Variants in RAB1A observed in about 807,000 individuals in gnomAD.
RAB1A encodes the protein RAB1A, member RAS oncogene family, also known as ras-related protein Rab-1A.
In RAB1A, 2 loss-of-function variants were observed where a neutral mutation model predicts 26.0. The ratio of observed to expected loss-of-function variants is 0.08; its 90% CI spans 0.03 to 0.24. The LOEUF (loss-of-function observed/expected upper bound fraction) is 0.24, where lower values mean the gene tolerates loss of function less well. RAB1A is among the 10% of genes least tolerant of loss of function. RAB1A has a pLI of 1.00. For missense variants in RAB1A, 100 were observed against 247.0 expected (o/e 0.40, Z 3.99); for synonymous variants, 84 against 84.9 (o/e 0.99, Z 0.06).
intron 1 of RAB1A, among the ~76,000 whole-genome samples, chr2:65,112,882 T>C (rs2103863696): frequency 6.6e-6 from 1 of 152,076 alleles, no homozygotes; most frequent in South Asian, 2.1e-4. Context: ...TAAGGACGAG[T>C]TTTATTCTAC....
Position 65,088,675 on chromosome 2 carries a change from G to A in RAB1A, c.436C>T (p.Leu146Phe). The A allele has an allele frequency of 6.2e-7, 1 of 1,606,664 alleles. No homozygotes were observed. Among genetic ancestry groups the A allele is most frequent in the Non-Finnish European group, 8.5e-7 (1 of 1,176,284 alleles). Residue 146 changes from leucine to phenylalanine, a missense_variant, in exon 6 of 6, where the codon CTT (leucine) becomes TTT (phenylalanine). Around this residue, in one of 2 missense-constraint regions of RAB1A, gnomAD observed 67 missense variants for 122.9 expected, o/e 0.55. Transcript: ENST00000409784. ...YTTAKEFADSLGIPFLETSAK... is the reference protein window; with the variant it reads ...YTTAKEFADSFGIPFLETSAK... ...CTGGTTTCCAAAAACGGAATTCCAA[G>A]GGAATCAGCAAATTCCTAAGAGAAT...
chr2:65,100,156 C>G (rs1669386025), intron 2 of RAB1A, among the ~76,000 whole-genome samples: 1 of 152,068 alleles, frequency 6.6e-6, no homozygotes. Flanking sequence ...AATACCAGCA[C>G]TTTGGGAGGC....
At chr2:65,126,231 TTGAACCCAG>T (rs1286738702) in intron 1 of RAB1A, among the ~76,000 whole-genome samples, 1 of 151,704 alleles carries the variant, frequency 6.6e-6, no homozygotes, top group Non-Finnish European at 1.5e-5. Context: ...GGAAAATCGC[TTGAACCCAG>T]GAGGCAGAGA....
intron 1 of RAB1A, among the ~76,000 whole-genome samples, chr2:65,109,571 A>C (rs1233215284): frequency 6.6e-6 from 1 of 151,968 alleles, no homozygotes; most frequent in Admixed American, 6.6e-5. Context: ...TTAGCTCAGC[A>C]TGGTGGCAGA....
In RAB1A at chr2:65,117,866, C is replaced by T. The variant is rs368449948; in HGVS notation, c.23+12027G>A. Among the ~76,000 whole-genome samples the T allele has an allele frequency of 3.3e-5, 5 of 152,222 alleles. No individual in the cohort carries two copies. The East Asian group carries it at 7.7e-4, about 23-fold the overall frequency. On this transcript the variant is annotated intron_variant, in intron 1 of 5. Transcript: ENST00000409784. Reference sequence around the variant, plus strand: ...GATTACAGGAGTGAGCCACCACAACCAGCCTAAAATGTTAAATTCTTAGAA... The same window carrying T: ...GATTACAGGAGTGAGCCACCACAACTAGCCTAAAATGTTAAATTCTTAGAA...
chr2:65,124,999 C>G (rs1336568287), intron 1 of RAB1A, among the ~76,000 whole-genome samples: 1 of 149,902 alleles, frequency 6.7e-6, no homozygotes, highest in Non-Finnish European at 1.5e-5. Flanking sequence ...AACCTGCTTT[C>G]ACTTTCAAAC....
chr2:65,110,150 T>C (rs1464732977), intron 1 of RAB1A, among the ~76,000 whole-genome samples: 2 of 152,150 alleles, frequency 1.3e-5, no homozygotes. Context: ...GTTAAAAGGA[T>C]ACAGGAGCCG....
chr2:65,093,614 T>C (rs1039164303), intron 3 of RAB1A, among the ~76,000 whole-genome samples: 4 of 150,944 alleles, frequency 2.6e-5, no homozygotes, highest in Middle Eastern at 3.4e-3. Flanking sequence ...AAGTAAAATC[T>C]TGTGTTTAGA....
At chr2:65,094,383 G>T (rs552984513) in intron 3 of RAB1A, among the ~76,000 whole-genome samples, 2 of 152,176 alleles carry the variant, frequency 1.3e-5, no homozygotes, top group South Asian at 4.1e-4. Flanking sequence ...TCGGGAGTTC[G>T]AGACCAGCGT....
At chr2:65,097,168 T>A (rs1669308117) in intron 3 of RAB1A, among the ~76,000 whole-genome samples, 1 of 152,234 alleles carries the variant, frequency 6.6e-6, no homozygotes, top group African/African-American at 2.4e-5. Context: ...TTCCTGTGTT[T>A]ATAGCCTACT....
intron 3 of RAB1A, among the ~76,000 whole-genome samples, chr2:65,095,548 T>G: frequency 2.3e-5 from 3 of 133,182 alleles, no homozygotes; most frequent in African/African-American, 5.8e-5. Context: ...AGAGATAGAG[T>G]CTCTATGTTG....
At chr2:65,117,932 A>T (rs1330935695) in intron 1 of RAB1A, among the ~76,000 whole-genome samples, 1 of 152,248 alleles carries the variant, frequency 6.6e-6, no homozygotes, top group Admixed American at 6.5e-5. Context: ...TATTTGTTGT[A>T]GTGGGACATC....
At chr2:65,105,757 T>C (rs1017569517) in intron 1 of RAB1A, among the ~76,000 whole-genome samples, 6 of 151,128 alleles carry the variant, frequency 4.0e-5, no homozygotes, top group Non-Finnish European at 7.4e-5. Flanking sequence ...TTCAGAACCA[T>C]TGAAAACCAA....
chr2:65,105,824 G>A (rs1196325712), intron 1 of RAB1A, among the ~76,000 whole-genome samples: 9 of 151,620 alleles, frequency 5.9e-5, no homozygotes, highest in East Asian at 1.9e-4. Flanking sequence ...GTGCAGTGGC[G>A]CGATCTCGGC....
intron 1 of RAB1A, among the ~76,000 whole-genome samples, chr2:65,116,413 C>G (rs1427153641): frequency 6.6e-6 from 1 of 152,084 alleles, no homozygotes; most frequent in East Asian, 1.9e-4. Flanking sequence ...TACTGCATAC[C>G]AGCCATAGGA....
chr2:65,117,250 T>C (rs1360183657), intron 1 of RAB1A, among the ~76,000 whole-genome samples: 1 of 151,982 alleles, frequency 6.6e-6, no homozygotes, highest in East Asian at 1.9e-4. Flanking sequence ...TTTAGTTTTT[T>C]AGAGACAGGG....
chr2:65,114,781 C>A (rs1669785648), intron 1 of RAB1A, among the ~76,000 whole-genome samples: 1 of 151,492 alleles, frequency 6.6e-6, no homozygotes, highest in Non-Finnish European at 1.5e-5. Flanking sequence ...GGAGGCGGAG[C>A]TTGCAGTGAG....
At chr2:65,111,513 T>C (rs184318417) in intron 1 of RAB1A, among the ~76,000 whole-genome samples, 1 of 152,276 alleles carries the variant, frequency 6.6e-6, no homozygotes, top group Non-Finnish European at 1.5e-5. Flanking sequence ...GTGGCTAACA[T>C]GGCCTACAAC....
intron 1 of RAB1A, among the ~76,000 whole-genome samples, chr2:65,128,377 T>G (rs1326791206): frequency 2.0e-5 from 3 of 152,200 alleles, no homozygotes; most frequent in African/African-American, 4.8e-5. Flanking sequence ...TGTTCTTTAT[T>G]GTTACCAAGA....
Sources: gnomAD v4.1 joint callset for allele counts (sites outside exome capture counted in the v4.1 genomes callset) on GRCh38, gnomAD v4.1.1 for gene constraint, gnomAD v4.1.1 regional missense constraint, MANE v1.5 for transcripts, NCBI Gene and HGNC (gene_info 2026-07-23, HGNC 2026-07-21) for gene names.